The following WDR13 variants were observed in gnomAD, a reference collection of about 807,000 sequenced individuals.
WDR13 encodes WD repeat domain 13.
WDR13 carries 1 observed loss-of-function variant against 28.6 expected under a neutral mutation model. The ratio of observed to expected loss-of-function variants is 0.03; its 90% CI spans 0.01 to 0.17. WDR13 has a LOEUF of 0.17. Among genes scored for constraint, WDR13 ranks in the 10% least tolerant of loss-of-function variants. The pLI, the probability that WDR13 is intolerant of heterozygous loss-of-function variation, is 1.00. For missense variants in WDR13, 264 were observed against 469.3 expected, an observed-to-expected ratio of 0.56 and a Z score of 4.04; for synonymous variants, 201 against 185.9, an observed-to-expected ratio of 1.08 and a Z score of -0.66.
chrX:48,603,889 G>A (rs782124114), intron 8 of WDR13, among the ~76,000 whole-genome samples: 4 of 111,451 alleles, frequency 3.6e-5, no homozygotes, highest in Admixed American at 9.6e-5. Context: ...AAACTGCAGA[G>A]GCTCCCATTT....
At position 48,605,070 on chromosome X, in the gene WDR13, C is replaced by G; in HGVS notation, c.*38C>G. The G allele has an allele frequency of 8.5e-7, 1 of 1,176,714 alleles. No individual in the cohort carries two copies. The highest frequency in any genetic ancestry group is 1.1e-6 in the Non-Finnish European group (1 of 872,087). On this transcript the variant is annotated 3_prime_UTR_variant, in exon 10 of 10. Coordinates refer to ENST00000376729, the MANE Select transcript of WDR13 (RefSeq NM_001347217.2). ...CCTGCTGCTGTCCTCCATCCCACCCCTCTTACTCCAGCCTCGTGTTGTAAA... is the reference window on the plus strand; with the variant it reads ...CCTGCTGCTGTCCTCCATCCCACCCGTCTTACTCCAGCCTCGTGTTGTAAA...
chrX:48,606,980 G>A lies in WDR13; in HGVS notation c.*1948G>A, dbSNP rs1300896821. 9.0e-6 allele frequency: 1 copy of A among 111,391 alleles called. No homozygotes were observed. The highest frequency in any genetic ancestry group is 1.9e-5 in the Non-Finnish European group (1 of 53,106). 9.2% of individuals were successfully genotyped at this position (111,391 alleles called of 1,213,427 possible). A position where few individuals can be genotyped will look rare whatever the true frequency, so the allele number is the denominator to read the frequency against. ...TCTAATAGACCTCAGGGTACATGGT[G>A]GTGAGATAGGGACATCAGTGAGCTG... is the stretch of plus-strand genomic sequence containing the variant. On this transcript the variant is annotated 3_prime_UTR_variant, in exon 10 of 10. Transcript: ENST00000376729.
At chrX:48,599,565 C>T in intron 4 of WDR13, 22 bp from the exon 5 acceptor site, 1 of 1,212,329 alleles carries the variant, frequency 8.2e-7, no homozygotes, top group Non-Finnish European at 1.1e-6. Context: ...CCTGTCACCC[C>T]TCACTTCCTA....
At position 48,606,345 on chromosome X, in the gene WDR13, A is replaced by T. The variant is rs1329981062; in HGVS notation, c.*1313A>T. The T allele has an allele frequency of 9.0e-6, 1 of 110,557 alleles. No homozygotes were observed. Among genetic ancestry groups the T allele is most frequent in the Admixed American group, 9.7e-5 (1 of 10,327 alleles). The allele number at this position is 110,557 out of a possible 1,213,427, so 9.1% of individuals were successfully genotyped here. ...GACTCTGCTGCCTCCTCAGGGGGCG[A>T]TATTCCCAACCCTTCTGTGCATTGT... On this transcript the variant is annotated 3_prime_UTR_variant, in exon 10 of 10. Transcript: ENST00000376729.
In WDR13 at chrX:48,606,952, C is replaced by A. The variant is rs2062224136; in HGVS notation, c.*1920C>A. 1 of 111,396 alleles carries A rather than the reference C, an allele frequency of 9.0e-6. No individual in the cohort carries two copies. The highest frequency in any genetic ancestry group is 3.3e-5 in the African/African-American group (1 of 30,554). 9.2% of individuals were successfully genotyped at this position (111,396 alleles called of 1,213,427 possible). A position where few individuals can be genotyped will look rare whatever the true frequency, so the allele number is the denominator to read the frequency against. ...CCCCAAGCATTTCTAACTGGCACTT[C>A]CATCTAATAGACCTCAGGGTACATG... is the stretch of plus-strand genomic sequence containing the variant. On this transcript the variant is annotated 3_prime_UTR_variant, in exon 10 of 10. Transcript: ENST00000376729.
At chrX:48,599,889 C>A in intron 5 of WDR13, 172 bp downstream of exon 5, 1 of 729,614 alleles carries the variant, frequency 1.4e-6, no homozygotes, top group Non-Finnish European at 1.9e-6. Context: ...AGTGCTTCGT[C>A]TACTGGAAAG....
chrX:48,598,073 T>C, intron 2 of WDR13, 36 bp downstream of exon 2: 1 of 1,161,222 alleles, frequency 8.6e-7, no homozygotes, highest in African/African-American at 1.8e-5. Flanking sequence ...GGAGCAGAAC[T>C]TACTGTGGTG....
At position 48,604,410 on chromosome X, in the gene WDR13, G is replaced by A; in HGVS notation, c.1273+20G>A. Reference sequence around the variant, plus strand: ...GCGTGGGTGAGTCCTGTAGGGACAGGGGATCTGGGTGGCTGGGGAGGGGCA... The same window carrying A: ...GCGTGGGTGAGTCCTGTAGGGACAGAGGATCTGGGTGGCTGGGGAGGGGCA... On this transcript the variant is annotated intron_variant, in intron 9 of 9. Transcript: ENST00000376729. 2 of 1,190,791 alleles carry A rather than the reference G, an allele frequency of 1.7e-6. No individual in the cohort carries two copies. Among genetic ancestry groups the A allele is most frequent in the Non-Finnish European group, 1.1e-6 (1 of 878,884 alleles).
rs781809968 is a variant in WDR13, at chrX:48,600,303, C to T, written c.524-16C>T. ...TGAGTGTGCAGATTCCCACTAATGG[C>T]TTCTTGGCATTGCAGTCCCAAGGGT... On this transcript the variant is annotated splice_polypyrimidine_tract_variant and intron_variant, in intron 5 of 9. Transcript: ENST00000376729. 8.5e-6 allele frequency: 10 copies of T among 1,175,100 alleles called. No homozygotes were observed. In the Admixed American group the frequency reaches 1.8e-4, roughly 21 times the overall value.
chrX:48,602,999 C>T (rs1311452500), intron 8 of WDR13, among the ~76,000 whole-genome samples: 2 of 110,761 alleles, frequency 1.8e-5, no homozygotes, highest in African/African-American at 6.6e-5. Context: ...AAATCCTAGG[C>T]GTGTACATAT....
intron 8 of WDR13, 101 bp downstream of exon 8, chrX:48,602,307 A>G: frequency 1.1e-5 from 10 of 905,841 alleles, no homozygotes; most frequent in Non-Finnish European, 1.5e-5. Context: ...TAATTGAGGG[A>G]GCAGTAGTAG....
At chrX:48,602,230 T>G (rs781847015) in intron 8 of WDR13, 24 bp downstream of exon 8, 1 of 1,193,331 alleles carries the variant, frequency 8.4e-7, no homozygotes, top group South Asian at 1.8e-5. Context: ...CAGGGCCTCC[T>G]GGAGACGGAG....
At chrX:48,597,679 A>C in intron 1 of WDR13, 65 bp downstream of exon 1, 1 of 277,337 alleles carries the variant, frequency 3.6e-6, no homozygotes, top group Non-Finnish European at 6.3e-6. Context: ...GGCGGGGACA[A>C]GATGGGTGGA....
intron 8 of WDR13, 145 bp downstream of exon 8, chrX:48,602,351 C>G: frequency 1.5e-6 from 1 of 677,312 alleles, no homozygotes; most frequent in African/African-American, 2.2e-5. Context: ...AGCGCGTTTA[C>G]AGCCATCACT....
Position 48,606,489 on chromosome X carries a change from C to T in WDR13, c.*1457C>T, listed in dbSNP as rs1470592466. ...CTGCTGTGTGGCGGAATCTCCATCC[C>T]TCAGACCACCCCTGTCTCCTCCCAG... is the stretch of plus-strand genomic sequence containing the variant. On this transcript the variant is annotated 3_prime_UTR_variant, in exon 10 of 10. Coordinates refer to ENST00000376729, the MANE Select transcript of WDR13 (RefSeq NM_001347217.2). The T allele has an allele frequency of 9.0e-6, 1 of 111,129 alleles. No homozygotes were observed. Among genetic ancestry groups the T allele is most frequent in the Non-Finnish European group, 1.9e-5 (1 of 52,995 alleles). 9.2% of individuals were successfully genotyped at this position (111,129 alleles called of 1,213,427 possible).
rs782046823 is a variant in WDR13 at position 48,604,823 on chromosome X, T to C, written c.1274-25T>C. The C allele has an allele frequency of 7.5e-6, 9 of 1,194,815 alleles. No individual in the cohort carries two copies. The East Asian group carries it at 2.1e-4, about 28-fold the overall frequency. ...CAGGGGCACCCCAGGCGCCTCCCGATGGCCTCTCCCTCTCACCCCGACAGT... is the reference window on the plus strand; with the variant it reads ...CAGGGGCACCCCAGGCGCCTCCCGACGGCCTCTCCCTCTCACCCCGACAGT... On this transcript the variant is annotated intron_variant, in intron 9 of 9. Transcript: ENST00000376729.
Position 48,606,557 on chromosome X carries a change from A to G in WDR13, c.*1525A>G, listed in dbSNP as rs1285734724. 3 of 111,250 alleles carry G rather than the reference A, an allele frequency of 2.7e-5. No homozygotes were observed. Among genetic ancestry groups the G allele is most frequent in the Admixed American group, 1.9e-4 (2 of 10,420 alleles). 9.2% of individuals were successfully genotyped at this position (111,250 alleles called of 1,213,427 possible). ...ATTCCAGCCCTGGAACAGCTCAGAG[A>G]CCAAAAAGTGATGTTAAGTATTTGA... On this transcript the variant is annotated 3_prime_UTR_variant, in exon 10 of 10. Coordinates refer to ENST00000376729, the MANE Select transcript of WDR13 (RefSeq NM_001347217.2).
rs1200871086 is a variant in WDR13, at chrX:48,606,927, C to A, written c.*1895C>A. The A allele has an allele frequency of 9.0e-6, 1 of 111,458 alleles. No individual in the cohort carries two copies. The highest frequency in any genetic ancestry group is 1.9e-5 in the Non-Finnish European group (1 of 53,118). The allele number at this position is 111,458 out of a possible 1,213,427, so 9.2% of individuals were successfully genotyped here. On this transcript the variant is annotated 3_prime_UTR_variant, in exon 10 of 10. Coordinates refer to ENST00000376729, the MANE Select transcript of WDR13 (RefSeq NM_001347217.2). Reference sequence around the variant, plus strand: ...TTATTTGACAGTGTGGTTACTTGCACCCCAAGCATTTCTAACTGGCACTTC... The same window carrying A: ...TTATTTGACAGTGTGGTTACTTGCAACCCAAGCATTTCTAACTGGCACTTC...
At chrX:48,598,645 T>C (rs2062159861) in intron 2 of WDR13, 72 bp from the exon 3 acceptor site, 5 of 1,000,838 alleles carry the variant, frequency 5.0e-6, no homozygotes, top group African/African-American at 2.5e-5. Flanking sequence ...TCTCCTGCCG[T>C]ACCCCCCCCC....
Sources: gnomAD v4.1 joint callset for allele counts (sites outside exome capture counted in the v4.1 genomes callset) on GRCh38, gnomAD v4.1.1 for gene constraint, MANE v1.5 for transcripts, NCBI Gene and HGNC (gene_info 2026-07-23, HGNC 2026-07-21) for gene names.